The following PRG4 variants were observed in gnomAD, a reference collection of about 807,000 sequenced individuals.
PRG4 encodes the protein articular superficial zone protein.
A neutral mutation model predicts 91.2 loss-of-function variants in PRG4; 61 were observed. The observed-to-expected ratio is 0.67, with a 90% CI of 0.54 to 0.83. PRG4 has a LOEUF of 0.83. PRG4 is among the 40% of genes least tolerant of loss of function. The pLI, the probability that PRG4 is intolerant of heterozygous loss-of-function variation, is 0.00. For missense variants in PRG4, 1,564 were observed against 1,714.2 expected (o/e 0.91, Z 1.55); for synonymous variants, 576 against 614.2 (o/e 0.94, Z 0.92).
In PRG4 at chr1:186,311,377, G is replaced by A. The variant is rs570449448; in HGVS notation, c.3637-63G>A. 3.4e-5 allele frequency: 53 copies of A among 1,542,430 alleles called. 1 individual carries two copies. The Middle Eastern group carries it at 1.4e-3, about 39-fold the overall frequency. On this transcript the variant is annotated intron_variant, in intron 9 of 12. Transcript: ENST00000445192. The stretch of plus-strand genomic sequence containing the variant: ...CACGTTCTCTCTATACTTAAATCTA[G>A]AAAGGAGTTCCAAATCTTTTTTCCC...
chr1:186,309,864 T>C lies in PRG4; in HGVS notation c.3493T>C (p.Phe1165Leu). 2 of 1,612,868 alleles carry C rather than the reference T, an allele frequency of 1.2e-6. No individual in the cohort carries two copies. The highest frequency in any genetic ancestry group is 1.7e-6 in the Non-Finnish European group (2 of 1,178,916). The change falls in exon 8 of 13, where the codon TTC (phenylalanine) becomes CTC (leucine). Residue 1165 changes from phenylalanine (F) to leucine (L), a missense_variant. By Grantham distance (22) the Phe-to-Leu change is conservative (BLOSUM62 0). Transcript: ENST00000445192. ...TTLRNGTLVA[F>L]RGHYFWMLSP... ...TTTGCGCAATGGGACATTAGTTGCATTCCGAGGTGAGCTATGTACACATTT... is the reference window on the plus strand; with the variant it reads ...TTTGCGCAATGGGACATTAGTTGCACTCCGAGGTGAGCTATGTACACATTT...
chr1:186,314,197 T>G lies in PRG4; in HGVS notation c.*419T>G, dbSNP rs1249154773. Reference sequence around the variant, plus strand: ...ACAAGCAGATTAATCCCTCTTTTTGTGACACAAGTACAATCTAAAAGTTAT... The same window carrying G: ...ACAAGCAGATTAATCCCTCTTTTTGGGACACAAGTACAATCTAAAAGTTAT... On this transcript the variant is annotated 3_prime_UTR_variant, in exon 13 of 13. Transcript: ENST00000445192. The G allele has an allele frequency of 5.1e-6, 3 of 583,388 alleles. No homozygotes were observed. In the African/African-American group the frequency reaches 5.6e-5, roughly 11 times the overall value. 36.1% of individuals were successfully genotyped at this position (583,388 alleles called of 1,614,324 possible).
chr1:186,307,701 C>T lies in PRG4; in HGVS notation c.1982C>T (p.Pro661Leu). 1 of 1,611,240 alleles carries T rather than the reference C, an allele frequency of 6.2e-7. No individual in the cohort carries two copies. Among genetic ancestry groups the T allele is most frequent in the Non-Finnish European group, 8.5e-7 (1 of 1,179,356 alleles). The change falls in exon 7 of 13, where the codon CCT becomes CTT. Residue 661 changes from proline to leucine, a missense_variant. Pro to Leu is a moderately conservative substitution (Grantham distance 98). Transcript: ENST00000445192. ...TTPEEPTPTTPEEPAPTTPKA... is the reference protein window; with the variant it reads ...TTPEEPTPTTLEEPAPTTPKA... ...CCTGAGGAGCCCACACCCACCACCCCTGAGGAGCCTGCTCCCACCACTCCC... is the reference window on the plus strand; with the variant it reads ...CCTGAGGAGCCCACACCCACCACCCTTGAGGAGCCTGCTCCCACCACTCCC...
In PRG4 at chr1:186,312,276, G is replaced by A; in HGVS notation, c.3895G>A (p.Val1299Ile). 1 of 1,614,012 alleles carries A rather than the reference G, an allele frequency of 6.2e-7. No individual in the cohort carries two copies. Among genetic ancestry groups the A allele is most frequent in the Non-Finnish European group, 8.5e-7 (1 of 1,179,962 alleles). The change falls in exon 11 of 13, where the codon GTT becomes ATT. Residue 1299 changes from valine (V) to isoleucine (I), a missense_variant. By Grantham distance (29) the Val-to-Ile change is conservative. This residue lies in a region of PRG4 where 1,079 missense variants were observed against 1,162.2 expected (regional missense o/e 0.93). Transcript: ENST00000445192. Reference sequence around the variant, plus strand: ...TCCAGTGTATGGAGAAACGACACAGGTTAGGAGACGTCGCTTTGAACGTGC... The same window carrying A: ...TCCAGTGTATGGAGAAACGACACAGATTAGGAGACGTCGCTTTGAACGTGC... Reference protein sequence around the residue: ...NYPVYGETTQVRRRRFERAIG... With the variant: ...NYPVYGETTQIRRRRFERAIG...
At chr1:186,313,561 T>C in intron 12 of PRG4, 120 bp from the exon 13 acceptor site, 1 of 662,686 alleles carries the variant, frequency 1.5e-6, no homozygotes, top group Non-Finnish European at 2.7e-6. Flanking sequence ...AATTAATTAG[T>C]AAAAACATCT....
At position 186,308,829 on chromosome 1, in the gene PRG4, CA is replaced by C. The variant is rs768475997; in HGVS notation, c.3115del (p.Thr1039GlnfsTer5). 1 of 1,613,746 alleles carries C rather than the reference CA, an allele frequency of 6.2e-7. No homozygotes were observed. Among genetic ancestry groups the C allele is most frequent in the East Asian group, 2.2e-5 (1 of 44,882 alleles). ...AAAAAACCCACTTCTACCAAAAAGC[CA>C]AAAACAATGCCTAGAGTGAGAAAAC... ...APKKPTSTKK[P>X]KTMPRVRKPK... On this transcript the variant is annotated frameshift_variant, in exon 7 of 13. Coordinates refer to ENST00000445192, the MANE Select transcript of PRG4 (RefSeq NM_005807.6). LOFTEE classifies it high-confidence loss of function.
At chr1:186,313,265 T>G (rs1347588532) in intron 12 of PRG4, 1 of 308,550 alleles carries the variant, frequency 3.2e-6, no homozygotes, top group Admixed American at 4.6e-5. Context: ...CCTGAGAAAC[T>G]AATTTTATTA....
rs756191272 is a variant in PRG4 at position 186,311,077 on chromosome 1, A to T, written c.3543A>T (p.Pro1181=). 1.2e-6 allele frequency: 2 copies of T among 1,613,854 alleles called. No homozygotes were observed. The highest frequency in any genetic ancestry group is 2.2e-5 in the South Asian group (2 of 91,080). Residue 1181 remains proline, a synonymous_variant, in exon 9 of 13, where the codon CCA becomes CCT. Coordinates refer to ENST00000445192, the MANE Select transcript of PRG4 (RefSeq NM_005807.6). ...WMLSPFSPPS[P]ARRITEVWGI... ...TAAGTCCATTCAGTCCACCATCTCC[A>T]GCTCGCAGAATTACTGAAGTTTGGG...
rs1656973049 is a variant in PRG4, at chr1:186,308,996, A to G, written c.3277A>G (p.Lys1093Glu). 2 of 1,609,464 alleles carry G rather than the reference A, an allele frequency of 1.2e-6. No individual in the cohort carries two copies. The highest frequency in any genetic ancestry group is 2.2e-5 in the South Asian group (2 of 90,628). ...CTCCAAACTAGTTGAAGTAAATCCA[A>G]AGAGTGAAGATGCAGGTGGTGCTGA... ...PNSKLVEVNP[K>E]SEDAGGAEGE... Residue 1093 changes from lysine to glutamate, a missense_variant, in exon 7 of 13, where the codon AAG (lysine) becomes GAG (glutamate). Transcript: ENST00000445192.
In PRG4 at chr1:186,313,956, T is replaced by C. The variant is rs527426560; in HGVS notation, c.*178T>C. Reference sequence around the variant, plus strand: ...TTGATAATCTTATTCACAGTTGTTATTGTTTACAGACCATTTAATTAATAT... The same window carrying C: ...TTGATAATCTTATTCACAGTTGTTACTGTTTACAGACCATTTAATTAATAT... On this transcript the variant is annotated 3_prime_UTR_variant, in exon 13 of 13. Coordinates refer to ENST00000445192, the MANE Select transcript of PRG4 (RefSeq NM_005807.6). 9.9e-6 allele frequency: 16 copies of C among 1,610,360 alleles called. No individual in the cohort carries two copies. The highest frequency in any genetic ancestry group is 3.3e-5 in the South Asian group (3 of 90,914).
Position 186,303,575 on chromosome 1 carries a change from G to A in PRG4, c.320-533G>A, listed in dbSNP as rs183732542. Among the ~76,000 whole-genome samples, 897 of 152,158 alleles carry A rather than the reference G, an allele frequency of 5.9e-3. 12 individuals carry two copies. The highest frequency in any genetic ancestry group is 0.02 in the African/African-American group (839 of 41,490). ...AACCATTAAGTTGTATCTTTGGGAAGGGCAGGGCATTTTGAGGAAAAGCAC... is the reference window on the plus strand; with the variant it reads ...AACCATTAAGTTGTATCTTTGGGAAAGGCAGGGCATTTTGAGGAAAAGCAC... On this transcript the variant is annotated intron_variant, in intron 4 of 12. Coordinates refer to ENST00000445192, the MANE Select transcript of PRG4 (RefSeq NM_005807.6).
intron 2 of PRG4, among the ~76,000 whole-genome samples, chr1:186,299,024 A>G (rs1049461435): frequency 1.3e-5 from 2 of 152,060 alleles, no homozygotes; most frequent in African/African-American, 4.8e-5. Flanking sequence ...TATTCTTTTA[A>G]GATTTGTTTT....
At position 186,304,100 on chromosome 1, in the gene PRG4, G is replaced by A. The variant is rs772443989; in HGVS notation, c.320-8G>A. ...AGATGTTAACTGACTTGTCTTACTT[G>A]GCCTCAGTGCATAATCCCACATCAC... On this transcript the variant is annotated splice_region_variant and splice_polypyrimidine_tract_variant and intron_variant, in intron 4 of 12. Coordinates refer to ENST00000445192, the MANE Select transcript of PRG4 (RefSeq NM_005807.6). 3.1e-6 allele frequency: 5 copies of A among 1,613,808 alleles called. No homozygotes were observed. Among genetic ancestry groups the A allele is most frequent in the Non-Finnish European group, 4.2e-6 (5 of 1,179,754 alleles).
Position 186,312,378 on chromosome 1 carries a change from A to G in PRG4, c.3991+6A>G. 6.2e-7 allele frequency: 1 copy of G among 1,601,118 alleles called. No homozygotes were observed. The highest frequency in any genetic ancestry group is 8.5e-7 in the Non-Finnish European group (1 of 1,174,850). On this transcript the variant is annotated splice_donor_region_variant and intron_variant, in intron 11 of 12. Transcript: ENST00000445192. ...ACTGGCTTATCAAGACAAAGGTAAC[A>G]TTTTTATTGTGTTAAAAAAATCCTT...
intron 6 of PRG4, 69 bp downstream of exon 6, chr1:186,304,991 T>C: frequency 2.6e-6 from 4 of 1,517,740 alleles, no homozygotes; most frequent in African/African-American, 1.4e-5. Flanking sequence ...TTAAAAGTAA[T>C]GCGTGTTGGC....
At chr1:186,303,744 A>C (rs1424490285) in intron 4 of PRG4, among the ~76,000 whole-genome samples, 1 of 152,210 alleles carries the variant, frequency 6.6e-6, no homozygotes, top group African/African-American at 2.4e-5. Context: ...AAAAATTCTG[A>C]AGGCAAAGAC....
At position 186,308,827 on chromosome 1, in the gene PRG4, G is replaced by C. The variant is rs1557958605; in HGVS notation, c.3108G>C (p.Lys1036Asn). The C allele has an allele frequency of 6.2e-7, 1 of 1,613,634 alleles. No homozygotes were observed. The highest frequency in any genetic ancestry group is 1.3e-5 in the African/African-American group (1 of 74,862). Residue 1036 changes from lysine to asparagine, a missense_variant, in exon 7 of 13, where the codon AAG becomes AAC. Around this residue, in one of 3 missense-constraint regions of PRG4, gnomAD observed 1,079 missense variants for 1,162.2 expected, o/e 0.93. Transcript: ENST00000445192. ...CCAAAAAACCCACTTCTACCAAAAA[G>C]CCAAAAACAATGCCTAGAGTGAGAA... ...KAPKKPTSTK[K>N]PKTMPRVRKP...
At position 186,304,850 on chromosome 1, in the gene PRG4, T is replaced by C. The variant is rs1656450593; in HGVS notation, c.526T>C (p.Ser176Pro). The C allele has an allele frequency of 4.3e-6, 7 of 1,612,590 alleles. No homozygotes were observed. The East Asian group carries it at 1.6e-4, about 36-fold the overall frequency. ...CTCCTCCTCCTCCTCTTCCTCTTCTTCTTCAACAATTCGGAAAATCAAGTC... is the reference window on the plus strand; with the variant it reads ...CTCCTCCTCCTCCTCTTCCTCTTCTCCTTCAACAATTCGGAAAATCAAGTC... ...SSSSSSSSSS[S>P]STIRKIKSSK... is the part of the protein sequence containing the mutation. The change falls in exon 6 of 13, where the codon TCT becomes CCT. Residue 176 changes from serine (S) to proline (P), a missense_variant. Coordinates refer to ENST00000445192, the MANE Select transcript of PRG4 (RefSeq NM_005807.6).
In PRG4 at chr1:186,300,095, A is replaced by C. The variant is rs1410419947; in HGVS notation, c.81A>C (p.Leu27Phe). The C allele has an allele frequency of 2.5e-6, 4 of 1,614,072 alleles. No individual in the cohort carries two copies. The South Asian group carries it at 3.3e-5, about 13-fold the overall frequency. The change falls in exon 3 of 13, where the codon TTA (leucine) becomes TTC (phenylalanine). Residue 27 changes from leucine (L) to phenylalanine (F), a missense_variant. Physicochemically the swap from Leu to Phe is conservative, Grantham distance 22 (BLOSUM62 0). Transcript: ENST00000445192. ...GCCAGTATTGTATAATTTTAGATTT[A>C]TCAAGCTGTGCAGGGAGATGTGGGG... ...FVIQQVSSQD[L>F]SSCAGRCGEG...
Sources: allele counts gnomAD v4.1 joint callset (sites outside exome capture counted in the v4.1 genomes callset), GRCh38; gene constraint gnomAD v4.1.1; regional missense constraint gnomAD v4.1.1; transcripts MANE v1.5; gene names NCBI Gene and HGNC (gene_info 2026-07-23, HGNC 2026-07-21).